ENTREP2: variants seen among roughly 807,000 people sequenced by gnomAD.
ENTREP2 encodes protein ENTREP2.
the ENTREP2 span, among the ~76,000 whole-genome samples, chr15:29,139,151 G>A: frequency 6.6e-6 from 1 of 152,166 alleles, no homozygotes; most frequent in African/African-American, 2.4e-5. Context: ...TGACGATTCT[G>A]AATGGGGTCA....
chr15:29,406,701 T>C, the ENTREP2 span, among the ~76,000 whole-genome samples: 8 of 152,204 alleles, frequency 5.3e-5, no homozygotes, highest in African/African-American at 1.9e-4. Context: ...GTTTTGCTTG[T>C]TTCTTCAGTT....
chr15:29,252,449 C>T, the ENTREP2 span: 1 of 1,550,572 alleles, frequency 6.4e-7, no homozygotes, highest in Non-Finnish European at 8.7e-7. Context: ...GCATTACACA[C>T]ACTGCAGAAA....
chr15:29,648,349 C>CTGT, the ENTREP2 span, among the ~76,000 whole-genome samples: 1 of 152,198 alleles, frequency 6.6e-6, no homozygotes, highest in Non-Finnish European at 1.5e-5. Context: ...GTTGCCCAGG[C>CTGT]TGTTCAGTCC....
At chr15:29,196,503 C>T in the ENTREP2 span, 1 of 1,551,716 alleles carries the variant, frequency 6.4e-7, no homozygotes, top group Admixed American at 2.0e-5. Context: ...GAGGTTGCTG[C>T]AGCCGGACGA....
the ENTREP2 span, among the ~76,000 whole-genome samples, chr15:29,444,383 T>G: frequency 1.3e-5 from 2 of 152,086 alleles, no homozygotes; most frequent in African/African-American, 4.8e-5. Context: ...AAAAGGAAAG[T>G]GGTTTTTTGC....
the ENTREP2 span, chr15:29,612,521 T>A: frequency 6.6e-6 from 1 of 152,476 alleles, no homozygotes; most frequent in Non-Finnish European, 1.5e-5. Flanking sequence ...AAGACATATG[T>A]TCTTGCTCCA....
At chr15:29,410,771 C>A in the ENTREP2 span, among the ~76,000 whole-genome samples, 1 of 152,158 alleles carries the variant, frequency 6.6e-6, no homozygotes, top group African/African-American at 2.4e-5. Flanking sequence ...CAGTCCATTT[C>A]GTTAGACCAC....
At chr15:29,497,389 G>A in the ENTREP2 span, among the ~76,000 whole-genome samples, 1 of 152,098 alleles carries the variant, frequency 6.6e-6, no homozygotes, top group Non-Finnish European at 1.5e-5. Context: ...TGAAGCCATC[G>A]GATCCTGGAC....
At chr15:29,566,053 G>A in the ENTREP2 span, among the ~76,000 whole-genome samples, 1 of 152,168 alleles carries the variant, frequency 6.6e-6, no homozygotes, top group Non-Finnish European at 1.5e-5. Context: ...TGGAAGGATT[G>A]CATTAAACAA....
the ENTREP2 span, among the ~76,000 whole-genome samples, chr15:29,420,069 TAA>T: frequency 3.3e-4 from 50 of 152,110 alleles, no homozygotes; most frequent in Non-Finnish European, 1.0e-4. Flanking sequence ...AGATGGATCC[TAA>T]AGCAGCAACA....
At chr15:29,406,880 T>G in the ENTREP2 span, among the ~76,000 whole-genome samples, 1 of 152,212 alleles carries the variant, frequency 6.6e-6, no homozygotes, top group Admixed American at 6.5e-5. Context: ...CCTTTTGATA[T>G]TTCAGCATTC....
chr15:29,480,338 C>CA, the ENTREP2 span, among the ~76,000 whole-genome samples: 5,282 of 29,400 alleles, frequency 0.18, 1,238 homozygotes, highest in Non-Finnish European at 0.24. Context: ...TTCACTATAG[C>CA]AAAAAAAAAA....
chr15:29,428,357 G>C, the ENTREP2 span, among the ~76,000 whole-genome samples: 1 of 152,098 alleles, frequency 6.6e-6, no homozygotes, highest in African/African-American at 2.4e-5. Context: ...GTTATTACAG[G>C]TGCTCGCCAC....
chr15:29,152,330 A>G, the ENTREP2 span, among the ~76,000 whole-genome samples: 1 of 152,198 alleles, frequency 6.6e-6, no homozygotes, highest in South Asian at 2.1e-4. Flanking sequence ...AGATACTGAC[A>G]TTGGTATAGT....
At chr15:29,133,964 C>T in the ENTREP2 span, among the ~76,000 whole-genome samples, 2 of 151,886 alleles carry the variant, frequency 1.3e-5, no homozygotes, top group Non-Finnish European at 2.9e-5. Context: ...CAGGCTGTTC[C>T]CTCTCTCAGG....
chr15:29,374,947 G>T, the ENTREP2 span: 1 of 151,818 alleles, frequency 6.6e-6, no homozygotes, highest in Non-Finnish European at 1.5e-5. Flanking sequence ...ATACCTCCAT[G>T]TGTCTACTTA....
At chr15:29,234,324 A>G in the ENTREP2 span, 5 of 1,604,276 alleles carry the variant, frequency 3.1e-6, no homozygotes, top group South Asian at 1.1e-5. Flanking sequence ...TCTGAAGAGT[A>G]ACTAATGAGA....
At chr15:29,319,570 C>T in the ENTREP2 span, among the ~76,000 whole-genome samples, 18 of 152,226 alleles carry the variant, frequency 1.2e-4, no homozygotes, top group Non-Finnish European at 2.2e-4. Context: ...AAAAGCCAAA[C>T]AAGGACATCC....
chr15:29,299,815 A>G, the ENTREP2 span, among the ~76,000 whole-genome samples: 3 of 152,160 alleles, frequency 2.0e-5, no homozygotes, highest in African/African-American at 7.2e-5. Context: ...CTAGTATATA[A>G]TAAAGCACAC....
Sources: gnomAD v4.1 joint callset for allele counts (sites outside exome capture counted in the v4.1 genomes callset) on GRCh38, gnomAD v4.1.1 for gene constraint, MANE v1.5 for transcripts, NCBI Gene and HGNC (gene_info 2026-07-23, HGNC 2026-07-21) for gene names.